The following C14orf132 variants were observed in gnomAD, a reference collection of about 807,000 sequenced individuals.
C14orf132 encodes uncharacterized protein C14orf132.
A neutral mutation model predicts 5.8 loss-of-function variants in C14orf132; 6 were observed. That is an observed-to-expected ratio of 1.03 (90% CI 0.57 to 2.04). C14orf132 has a LOEUF of 2.04. Ranked by LOEUF, C14orf132 falls within the 30% of genes most tolerant of loss-of-function variation. The pLI is 0.00. For synonymous variants in C14orf132, 51 were observed against 49.8 expected, an observed-to-expected ratio of 1.02 and a Z score of -0.10; for missense variants, 125 against 115.8, an observed-to-expected ratio of 1.08 and a Z score of -0.37.
intron 1 of C14orf132, among the ~76,000 whole-genome samples, chr14:96,075,536 A>G (rs1372326332): frequency 2.6e-5 from 4 of 152,138 alleles, no homozygotes; most frequent in African/African-American, 9.7e-5. Flanking sequence ...CATTAGGTAT[A>G]ATGTTAGCTA....
chr14:96,056,790 C>T (rs923455000), intron 1 of C14orf132, among the ~76,000 whole-genome samples: 3 of 152,126 alleles, frequency 2.0e-5, no homozygotes, highest in African/African-American at 7.2e-5. Flanking sequence ...CAGAAAACCC[C>T]GGTCCAAATT....
At chr14:96,049,653 T>TATACGTATATATATATAG (rs371381526) in intron 1 of C14orf132, among the ~76,000 whole-genome samples, 1 of 82,282 alleles carries the variant, frequency 1.2e-5, no homozygotes, top group African/African-American at 4.6e-5. Flanking sequence ...TATATATATA[T>TATACGTATATATATATAG]AGAGAGAGAG....
chr14:96,092,531 T>G lies in C14orf132; in HGVS notation c.*5796T>G, dbSNP rs1364392093. The G allele has an allele frequency of 1.3e-5, 2 of 152,232 alleles. No individual in the cohort carries two copies. The highest frequency in any genetic ancestry group is 4.8e-5 in the African/African-American group (2 of 41,456). The allele number at this position is 152,232 out of a possible 1,614,324, so 9.4% of individuals were successfully genotyped here. A position where few individuals can be genotyped will look rare whatever the true frequency, so the allele number is the denominator to read the frequency against. On this transcript the variant is annotated 3_prime_UTR_variant, in exon 2 of 2. Transcript: ENST00000555004. ...CCTGTGTCCCCTGTATCTGTCTCAC[T>G]GGCTGTCTTTCTCCCAGTTTCTTAA...
rs1886634679 is a variant in C14orf132 at position 96,039,743 on chromosome 14, C to A, written c.27+216C>A. Among the ~76,000 whole-genome samples the A allele has an allele frequency of 6.6e-6, 1 of 152,124 alleles. No homozygotes were observed. Among genetic ancestry groups the A allele is most frequent in the African/African-American group, 2.4e-5 (1 of 41,450 alleles). On this transcript the variant is annotated intron_variant, in intron 1 of 1. Transcript: ENST00000555004. This position sits in a 1 kb window ranked among gnomAD's most constrained non-coding sequence, Gnocchi z 5.3. ...GGGCGGGCTGCGCGCCCCGCACCCC[C>A]GCGGCTCGAGCTGTTCCCGCCCGGG...
intron 1 of C14orf132, among the ~76,000 whole-genome samples, chr14:96,055,964 T>A (rs1887171289): frequency 6.6e-6 from 1 of 152,188 alleles, no homozygotes; most frequent in African/African-American, 2.4e-5. Context: ...GGTGGTACTT[T>A]CTAAGCTTAG....
At position 96,089,663 on chromosome 14, in the gene C14orf132, T is replaced by C. The variant is rs963274776; in HGVS notation, c.*2928T>C. 2 of 152,366 alleles carry C rather than the reference T, an allele frequency of 1.3e-5. No individual in the cohort carries two copies. The highest frequency in any genetic ancestry group is 4.8e-5 in the African/African-American group (2 of 41,456). The allele number at this position is 152,366 out of a possible 1,614,324, so 9.4% of individuals were successfully genotyped here. A position where few individuals can be genotyped will look rare whatever the true frequency, so the allele number is the denominator to read the frequency against. On this transcript the variant is annotated 3_prime_UTR_variant, in exon 2 of 2. Coordinates refer to ENST00000555004, the MANE Select transcript of C14orf132 (RefSeq NM_001252507.3). ...AACCTCCCGCCCACTGCTCTCTCTC[T>C]GCCCAGATTTCAGGGGTGCCGGTCC...
chr14:96,052,803 C>T (rs565290871), intron 1 of C14orf132, among the ~76,000 whole-genome samples: 2 of 152,100 alleles, frequency 1.3e-5, no homozygotes, highest in Non-Finnish European at 2.9e-5. Flanking sequence ...AGGCATTCTG[C>T]GCAGTACCCT....
intron 1 of C14orf132, among the ~76,000 whole-genome samples, chr14:96,071,832 G>T (rs1214728120): frequency 1.3e-5 from 2 of 152,254 alleles, no homozygotes; most frequent in Non-Finnish European, 2.9e-5. Flanking sequence ...GCCAGGGCTG[G>T]TGGACATCGC....
intron 1 of C14orf132, 64 bp from the exon 2 acceptor site, chr14:96,086,447 T>C: frequency 4.8e-6 from 7 of 1,452,972 alleles, no homozygotes; most frequent in Non-Finnish European, 5.6e-6. Flanking sequence ...CCACTTCCCT[T>C]TTGCAGGGTA....
At chr14:96,052,633 C>T (rs1595171341) in intron 1 of C14orf132, among the ~76,000 whole-genome samples, 2 of 152,298 alleles carry the variant, frequency 1.3e-5, no homozygotes, top group Admixed American at 6.5e-5. Flanking sequence ...GCTTGCGGGG[C>T]ACCTCCTCTT....
intron 1 of C14orf132, among the ~76,000 whole-genome samples, chr14:96,076,116 CT>C (rs1887857705): frequency 6.6e-6 from 1 of 151,988 alleles, no homozygotes; most frequent in South Asian, 2.1e-4. Flanking sequence ...TGTGGTTTAT[CT>C]TTTTTTCTTG....
chr14:96,061,370 T>C (rs1209766859), intron 1 of C14orf132, among the ~76,000 whole-genome samples: 1 of 152,224 alleles, frequency 6.6e-6, no homozygotes. Context: ...GTTGGTGTTA[T>C]CTACTGCCAT....
At chr14:96,072,412 A>G (rs1487579848) in intron 1 of C14orf132, among the ~76,000 whole-genome samples, 1 of 152,148 alleles carries the variant, frequency 6.6e-6, no homozygotes, top group Non-Finnish European at 1.5e-5. Flanking sequence ...GGCCCTGAGG[A>G]CTGCATGGAA....
At position 96,055,862 on chromosome 14, in the gene C14orf132, T is replaced by A. The variant is rs1435428513; in HGVS notation, c.27+16335T>A. Among the ~76,000 whole-genome samples, 4 of 152,180 alleles carry A rather than the reference T, an allele frequency of 2.6e-5. No individual in the cohort carries two copies. In the East Asian group the frequency reaches 5.8e-4, roughly 22 times the overall value. On this transcript the variant is annotated intron_variant, in intron 1 of 1. Coordinates refer to ENST00000555004, the MANE Select transcript of C14orf132 (RefSeq NM_001252507.3). The stretch of plus-strand genomic sequence containing the variant: ...AGTCCTCTGGCTCCTGTTTCTTCCC[T>A]GCCAAGTGGGGCAGAATCACCTGGG...
intron 1 of C14orf132, chr14:96,051,044 C>A: frequency 2.5e-6 from 1 of 396,980 alleles, no homozygotes; most frequent in South Asian, 1.3e-4. Flanking sequence ...GCTATGGGCC[C>A]CTGATCCAGC....
rs149469341 is a variant in C14orf132, at chr14:96,050,225, T to C, written c.27+10698T>C. Reference sequence around the variant, plus strand: ...TATTTTTGTATTCCCATAAATATTCTTGTGCTTTGTTCTGGGATGCAGTTC... The same window carrying C: ...TATTTTTGTATTCCCATAAATATTCCTGTGCTTTGTTCTGGGATGCAGTTC... On this transcript the variant is annotated intron_variant, in intron 1 of 1. Transcript: ENST00000555004. Among the ~76,000 whole-genome samples, 213 of 152,320 alleles carry C rather than the reference T, an allele frequency of 1.4e-3. 1 individual carries two copies. The highest frequency in any genetic ancestry group is 4.4e-3 in the African/African-American group (185 of 41,574).
chr14:96,059,947 G>A (rs74333464), intron 1 of C14orf132, among the ~76,000 whole-genome samples: 2,963 of 152,248 alleles, frequency 0.019, 113 homozygotes, highest in East Asian at 0.17. Context: ...GCATCTTCTT[G>A]GTGCCCACAC....
intron 1 of C14orf132, among the ~76,000 whole-genome samples, chr14:96,072,648 C>T (rs2139671682): frequency 6.6e-6 from 1 of 152,324 alleles, no homozygotes; most frequent in South Asian, 2.1e-4. Context: ...CTTGCTGCCT[C>T]TTGCGGTCAA....
intron 1 of C14orf132, among the ~76,000 whole-genome samples, chr14:96,066,593 A>T (rs1206746459): frequency 6.6e-6 from 1 of 152,134 alleles, no homozygotes; most frequent in Non-Finnish European, 1.5e-5. Context: ...TTTTAATAAA[A>T]AATATTTTTA....
Sources: allele counts gnomAD v4.1 joint callset (sites outside exome capture counted in the v4.1 genomes callset), GRCh38; gene constraint gnomAD v4.1.1; non-coding constraint Gnocchi (gnomAD v3.1); transcripts MANE v1.5; gene names NCBI Gene and HGNC (gene_info 2026-07-23, HGNC 2026-07-21).